The following RECQL5 variants were observed in gnomAD, a reference collection of about 807,000 sequenced individuals.
RECQL5 encodes ATP-dependent DNA helicase Q5.
RECQL5 carries 88 observed loss-of-function variants against 103.4 expected under a neutral mutation model. That is an observed-to-expected ratio of 0.85 (90% CI 0.72 to 1.02). The LOEUF (loss-of-function observed/expected upper bound fraction) is 1.02. RECQL5 is among the 50% of genes least tolerant of loss of function. The pLI, the probability that RECQL5 is intolerant of heterozygous loss-of-function variation, is 0.00. For missense variants in RECQL5, 1,232 were observed against 1,284.3 expected, an observed-to-expected ratio of 0.96 and a Z score of 0.62; for synonymous variants, 552 against 507.9, an observed-to-expected ratio of 1.09 and a Z score of -1.17.
intron 17 of RECQL5, 33 bp from the exon 18 acceptor site, chr17:75,628,475 A>T (rs567806882): frequency 2.5e-6 from 4 of 1,603,758 alleles, no homozygotes; most frequent in Non-Finnish European, 3.4e-6. Context: ...GTCACTCCTG[A>T]GCTCCCTTCC....
Position 75,630,838 on chromosome 17 carries a change from C to CTGTG in RECQL5, c.1586-5_1586-2dup, listed in dbSNP as rs142406301. ...GCCTCTTTCAGGGGACAGTTCTCAT[C>CTGTG]TGTGGGGGGGGGGGGTGGTCCTTGG... On this transcript the variant is annotated splice_acceptor_variant, in intron 11 of 19. Transcript: ENST00000317905. LOFTEE classifies it high-confidence loss of function. 8.0e-4 allele frequency: 757 copies of CTGTG among 951,602 alleles called. 11 individuals are homozygous for CTGTG. The highest frequency in any genetic ancestry group is 9.6e-4 in the Non-Finnish European group (693 of 719,842). 58.9% of individuals were successfully genotyped at this position (951,602 alleles called of 1,614,324 possible).
intron 8 of RECQL5, chr17:75,633,566 C>A: frequency 7.9e-7 from 1 of 1,269,036 alleles, no homozygotes; most frequent in Non-Finnish European, 1.0e-6. Context: ...GGCACAAGGG[C>A]CTCCCCAGGG....
In RECQL5 at chr17:75,640,326, C is replaced by T. The variant is rs2148289969; in HGVS notation, c.1230-8658G>A. The T allele has an allele frequency of 6.5e-7, 1 of 1,547,272 alleles. No homozygotes were observed. Among genetic ancestry groups the T allele is most frequent in the South Asian group, 1.2e-5 (1 of 83,524 alleles). ...GCCTTCTCAGTCATCATCCTTTTCA[C>T]AGGTTAGTTGGGGCACTCAGCACCC... On this transcript the variant is annotated intron_variant, in intron 8 of 19. Coordinates refer to ENST00000317905, the MANE Select transcript of RECQL5 (RefSeq NM_004259.7). The surrounding 1 kb of genome is among the most constrained non-coding windows in gnomAD (Gnocchi z 4.6).
intron 8 of RECQL5, chr17:75,641,101 A>G: frequency 1.1e-6 from 1 of 898,744 alleles, no homozygotes; most frequent in Non-Finnish European, 1.6e-6. Flanking sequence ...CTCATCTGCC[A>G]GTGGACACTG....
At chr17:75,666,905 T>C (rs778031500) in intron 1 of RECQL5, 139 bp downstream of exon 1, 16 of 274,352 alleles carry the variant, frequency 5.8e-5, no homozygotes, top group Non-Finnish European at 7.7e-5. Flanking sequence ...CACCACCTGC[T>C]CCTACTTCTA....
chr17:75,642,640 A>C (rs922185231), intron 8 of RECQL5, among the ~76,000 whole-genome samples: 1 of 152,264 alleles, frequency 6.6e-6, no homozygotes, highest in Non-Finnish European at 1.5e-5. Context: ...GATCATGAGG[A>C]GGAGGATGAA....
At chr17:75,633,948 C>CGGGACAT (rs536608162) in intron 8 of RECQL5, 270 of 985,574 alleles carry the variant, frequency 2.7e-4, no homozygotes, top group Non-Finnish European at 3.2e-4. Flanking sequence ...GGTGAGGCAC[C>CGGGACAT]GGGACATGAA....
At chr17:75,660,808 G>T in intron 6 of RECQL5, 147 bp downstream of exon 6, 1 of 667,786 alleles carries the variant, frequency 1.5e-6, no homozygotes, top group Non-Finnish European at 2.7e-6. Flanking sequence ...TCAGCATTCA[G>T]GCTGTATTCT....
intron 8 of RECQL5, chr17:75,647,357 T>C: frequency 6.5e-7 from 1 of 1,539,692 alleles, no homozygotes; most frequent in Non-Finnish European, 8.8e-7. Context: ...AGGTCCTCTG[T>C]CCCTCTTTTC....
rs2059715066 is a variant in RECQL5, at chr17:75,662,671, G to C, written c.579C>G (p.Ala193=). 4.3e-6 allele frequency: 7 copies of C among 1,614,020 alleles called. No individual in the cohort carries two copies. Among genetic ancestry groups the C allele is most frequent in the Non-Finnish European group, 5.9e-6 (7 of 1,180,042 alleles). ...CCTCTTGGACCTGTGGGGTGGCTGT[G>C]GCGGTCAGAGCCACACAAGGGGCAT... ...LGHAPCVALT[A]TATPQVQEDV... is the part of the protein sequence containing the mutation. Residue 193 remains alanine, a synonymous_variant, in exon 4 of 20, where the codon GCC becomes GCG. Coordinates refer to ENST00000317905, the MANE Select transcript of RECQL5 (RefSeq NM_004259.7).
At position 75,648,044 on chromosome 17, in the gene RECQL5, G is replaced by A. The variant is rs376622518; in HGVS notation, c.1229+3142C>T. The A allele has an allele frequency of 3.8e-4, 65 of 169,458 alleles. No homozygotes were observed. The South Asian group carries it at 6.6e-3, about 17-fold the overall frequency. The allele number at this position is 169,458 out of a possible 1,614,324, so 10.5% of individuals were successfully genotyped here. ...CAAGCTTCCCGAACAAAGCCGCACCGGGGCCTGCACGCTCTAGCCTGCCTG... is the reference window on the plus strand; with the variant it reads ...CAAGCTTCCCGAACAAAGCCGCACCAGGGCCTGCACGCTCTAGCCTGCCTG... On this transcript the variant is annotated intron_variant, in intron 8 of 19. Coordinates refer to ENST00000317905, the MANE Select transcript of RECQL5 (RefSeq NM_004259.7).
At position 75,628,373 on chromosome 17, in the gene RECQL5, TG is replaced by T. The variant is rs2059142571; in HGVS notation, c.2649del (p.Lys884ArgfsTer12). ...TGTTCGCTGGCCGAGACGCTGCCCT[TG>T]ACCTCAGCTACGACGGAGGGCTTGG... ...PSAKPSVVAE[V>X]KGSVSASEQG... On this transcript the variant is annotated frameshift_variant, in exon 18 of 20. Transcript: ENST00000317905. LOFTEE classifies it high-confidence loss of function. 3 of 1,614,038 alleles carry T rather than the reference TG, an allele frequency of 1.9e-6. No homozygotes were observed. Among genetic ancestry groups the T allele is most frequent in the Non-Finnish European group, 2.5e-6 (3 of 1,180,038 alleles).
At chr17:75,666,810 GCA>G (rs1161278271) in intron 1 of RECQL5, 1 of 454,300 alleles carries the variant, frequency 2.2e-6, no homozygotes, top group African/African-American at 2.0e-5. Context: ...CCACGGTATA[GCA>G]CAGAGCTAGA....
chr17:75,647,266 TCA>T (rs2059499908), intron 8 of RECQL5: 1 of 977,202 alleles, frequency 1.0e-6, no homozygotes. Context: ...GGCCGGCTGC[TCA>T]CAGAGGCTGC....
intron 8 of RECQL5, 109 bp from the exon 9 acceptor site, chr17:75,631,777 A>G (rs1030919406): frequency 1.1e-5 from 13 of 1,140,904 alleles, no homozygotes; most frequent in African/African-American, 1.5e-5. Context: ...GTCCGGCACC[A>G]TGCCGGGAGC....
At chr17:75,631,404 C>A in intron 9 of RECQL5, 46 bp downstream of exon 9, 3 of 1,587,358 alleles carry the variant, frequency 1.9e-6, no homozygotes, top group Non-Finnish European at 2.6e-6. Context: ...CAAGGGAATG[C>A]CAGGCAATTC....
intron 2 of RECQL5, among the ~76,000 whole-genome samples, chr17:75,665,822 G>A (rs539537752): frequency 6.6e-6 from 1 of 152,264 alleles, no homozygotes; most frequent in South Asian, 2.1e-4. Flanking sequence ...TACTTAGAGG[G>A]CTTTTGTTTA....
intron 8 of RECQL5, chr17:75,635,905 G>A (rs1255800301): frequency 4.1e-6 from 4 of 976,092 alleles, no homozygotes; most frequent in East Asian, 1.1e-4. Flanking sequence ...GGGAAGCTTC[G>A]GGACCAAGTG....
At position 75,627,291 on chromosome 17, in the gene RECQL5, C is replaced by T; in HGVS notation, c.*131G>A. The T allele has an allele frequency of 2.5e-6, 2 of 788,232 alleles. No homozygotes were observed. Among genetic ancestry groups the T allele is most frequent in the South Asian group, 3.0e-5 (2 of 67,376 alleles). The allele number at this position is 788,232 out of a possible 1,614,324, so 48.8% of individuals were successfully genotyped here. A position where few individuals can be genotyped will look rare whatever the true frequency, so the allele number is the denominator to read the frequency against. On this transcript the variant is annotated 3_prime_UTR_variant, in exon 20 of 20. Transcript: ENST00000317905. ...ATTCAGGGGGTGTCTGGGGTCATCC[C>T]CAAAGCCAAGTATGGTTGGAAAGGA...
Sources: allele counts gnomAD v4.1 joint callset (sites outside exome capture counted in the v4.1 genomes callset), GRCh38; gene constraint gnomAD v4.1.1; non-coding constraint Gnocchi (gnomAD v3.1); transcripts MANE v1.5; gene names NCBI Gene and HGNC (gene_info 2026-07-23, HGNC 2026-07-21).